Variants in CHD1L observed in about 807,000 individuals in gnomAD.
The protein encoded by CHD1L is chromodomain helicase DNA binding protein 1 like, also known as ATP-dependent chromatin remodeler CHD1L.
A neutral mutation model predicts 115.9 loss-of-function variants in CHD1L; 118 were observed. The ratio of observed to expected loss-of-function variants is 1.02; its 90% CI spans 0.88 to 1.19. The LOEUF (loss-of-function observed/expected upper bound fraction) is 1.19, where lower values mean the gene tolerates loss of function less well. Among genes scored for constraint, CHD1L ranks in the 50% most tolerant of loss-of-function variants. CHD1L has a pLI of 0.00. For synonymous variants in CHD1L, 411 were observed against 387.1 expected, an observed-to-expected ratio of 1.06 and a Z score of -0.72; for missense variants, 1,179 against 1,065.3, an observed-to-expected ratio of 1.11 and a Z score of -1.49.
the CHD1L span, among the ~76,000 whole-genome samples, chr1:147,222,039 A>C: frequency 2.0e-5 from 3 of 152,276 alleles, no homozygotes; most frequent in Admixed American, 2.0e-4. Context: ...TTTCCTACCT[A>C]GGCACAAGGC....
intron 8 of CHD1L, 23 bp from the exon 9 acceptor site, chr1:147,267,403 C>T (rs782597444): frequency 2.5e-6 from 4 of 1,576,700 alleles, no homozygotes; most frequent in East Asian, 2.2e-5. Flanking sequence ...CTTTCTGTCT[C>T]TCTCTTTTTT....
intron 10 of CHD1L, among the ~76,000 whole-genome samples, 181 bp from the exon 11 acceptor site, chr1:147,270,751 G>A (rs971584930): frequency 7.2e-5 from 11 of 152,138 alleles, no homozygotes; most frequent in Admixed American, 2.6e-4. Flanking sequence ...AGCTACCTGT[G>A]GAGGTGTATT....
At chr1:147,286,759 A>C (rs1176832330) in intron 18 of CHD1L, among the ~76,000 whole-genome samples, 1 of 152,210 alleles carries the variant, frequency 6.6e-6, no homozygotes, top group African/African-American at 2.4e-5. Flanking sequence ...TCCTCTGCAC[A>C]AGGTTTTTAA....
chr1:147,203,399 T>A, the CHD1L span: 1 of 964,078 alleles, frequency 1.0e-6, no homozygotes, highest in Non-Finnish European at 1.7e-6. Context: ...GCGAGTTTGA[T>A]AGACCAGTGT....
chr1:147,261,443 G>A (rs919153427), intron 6 of CHD1L, among the ~76,000 whole-genome samples: 12 of 150,288 alleles, frequency 8.0e-5, no homozygotes, highest in Non-Finnish European at 1.3e-4. Context: ...TTATTCACGA[G>A]GGAAAAGTTC....
chr1:147,196,302 A>G, the CHD1L span, among the ~76,000 whole-genome samples: 776 of 152,272 alleles, frequency 5.1e-3, 7 homozygotes, highest in African/African-American at 0.017. Context: ...ATCATAAATC[A>G]ATTAGGAAAC....
At chr1:147,222,147 A>G in the CHD1L span, among the ~76,000 whole-genome samples, 1 of 152,166 alleles carries the variant, frequency 6.6e-6, no homozygotes, top group African/African-American at 2.4e-5. Flanking sequence ...AGGTGAGCAG[A>G]TCACTTGAGG....
the CHD1L span, among the ~76,000 whole-genome samples, chr1:147,206,749 A>G: frequency 6.6e-6 from 1 of 152,054 alleles, no homozygotes; most frequent in Non-Finnish European, 1.5e-5. Context: ...AACATCACAC[A>G]CCAGGGCCTG....
intron 21 of CHD1L, among the ~76,000 whole-genome samples, chr1:147,294,132 GAATT>G (rs1686664507): frequency 6.6e-6 from 1 of 152,144 alleles, no homozygotes. Flanking sequence ...AGAGCTTATT[GAATT>G]GATTGGCTTG....
At chr1:147,294,126 C>G (rs1269534724) in intron 21 of CHD1L, among the ~76,000 whole-genome samples, 1 of 152,150 alleles carries the variant, frequency 6.6e-6, no homozygotes, top group Non-Finnish European at 1.5e-5. Context: ...TGTCTCAGAG[C>G]TTATTGAATT....
chr1:147,197,885 G>C, the CHD1L span, among the ~76,000 whole-genome samples: 2 of 152,152 alleles, frequency 1.3e-5, no homozygotes, highest in Non-Finnish European at 2.9e-5. Flanking sequence ...CATACTAAAA[G>C]GTCAGTATAT....
intron 15 of CHD1L, among the ~76,000 whole-genome samples, chr1:147,281,763 T>A (rs1332120215): frequency 1.3e-5 from 2 of 151,908 alleles, no homozygotes; most frequent in Non-Finnish European, 2.9e-5. Context: ...TCTCTTCCCA[T>A]TGCATTGACT....
At chr1:147,201,119 G>A in the CHD1L span, 6 of 1,462,584 alleles carry the variant, frequency 4.1e-6, no homozygotes, top group Admixed American at 5.6e-5. Context: ...ATATCACCAA[G>A]TAATTAAGTA....
At position 147,295,586 on chromosome 1, in the gene CHD1L, A is replaced by G; in HGVS notation, c.*77A>G. 3 of 1,055,092 alleles carry G rather than the reference A, an allele frequency of 2.8e-6. No individual in the cohort carries two copies. Among genetic ancestry groups the G allele is most frequent in the Non-Finnish European group, 4.2e-6 (3 of 721,500 alleles). The allele number at this position is 1,055,092 out of a possible 1,614,324, so 65.4% of individuals were successfully genotyped here. A position where few individuals can be genotyped will look rare whatever the true frequency, so the allele number is the denominator to read the frequency against. Reference sequence around the variant, plus strand: ...AGAGGTACTGCAATAGAGTATTTCAAAATGGAATCAGGATCTGGTGGGCCT... The same window carrying G: ...AGAGGTACTGCAATAGAGTATTTCAGAATGGAATCAGGATCTGGTGGGCCT... On this transcript the variant is annotated 3_prime_UTR_variant, in exon 23 of 23. Transcript: ENST00000369258.
intron 15 of CHD1L, among the ~76,000 whole-genome samples, chr1:147,280,883 TG>T (rs1455388507): frequency 6.6e-6 from 1 of 152,318 alleles, no homozygotes; most frequent in African/African-American, 2.4e-5. Context: ...CAATATGGAC[TG>T]GGGTGAGAGG....
At chr1:147,179,570 C>T in the CHD1L span, 1 of 1,584,466 alleles carries the variant, frequency 6.3e-7, no homozygotes, top group Non-Finnish European at 8.7e-7. Context: ...AAGCTACAAA[C>T]CCCCCTGTAA....
At chr1:147,184,033 T>TA in the CHD1L span, among the ~76,000 whole-genome samples, 73 of 152,292 alleles carry the variant, frequency 4.8e-4, no homozygotes, top group East Asian at 0.013. This position sits in a 1 kb window ranked among gnomAD's most constrained non-coding sequence, Gnocchi z 4.4. Context: ...AGTCTATACT[T>TA]ACTCAGCAAA....
At chr1:147,197,787 C>G in the CHD1L span, among the ~76,000 whole-genome samples, 1 of 152,188 alleles carries the variant, frequency 6.6e-6, no homozygotes, top group African/African-American at 2.4e-5. Context: ...CTAACACAGT[C>G]TTCCTTGCTT....
the CHD1L span, among the ~76,000 whole-genome samples, chr1:147,233,855 G>C: frequency 6.6e-6 from 1 of 151,740 alleles, no homozygotes; most frequent in Non-Finnish European, 1.5e-5. Context: ...TGGGTTAAGG[G>C]CGGTGCAAGA....
Sources: gnomAD v4.1 joint callset for allele counts (sites outside exome capture counted in the v4.1 genomes callset) on GRCh38, gnomAD v4.1.1 for gene constraint, Gnocchi (gnomAD v3.1) non-coding constraint, MANE v1.5 for transcripts, NCBI Gene and HGNC (gene_info 2026-07-23, HGNC 2026-07-21) for gene names.